The following GLIS3 variants were observed in gnomAD, a reference collection of about 807,000 sequenced individuals.
The protein encoded by GLIS3 is zinc finger protein GLIS3.
In GLIS3, 53 loss-of-function variants were observed where a neutral mutation model predicts 78.6. The ratio of observed to expected loss-of-function variants is 0.67; its 90% confidence interval spans 0.54 to 0.85. The LOEUF (loss-of-function observed/expected upper bound fraction) is 0.85. Ranked by LOEUF, GLIS3 falls within the 40% of genes least tolerant of loss-of-function variation. The pLI is 0.00. For missense variants in GLIS3, 1,703 were observed against 1,231.1 expected, an observed-to-expected ratio of 1.38 and a Z score of -5.74; for synonymous variants, 684 against 509.9, an observed-to-expected ratio of 1.34 and a Z score of -4.60.
At chr9:3,913,511 T>G (rs529348764) in intron 6 of GLIS3, among the ~76,000 whole-genome samples, 2 of 152,320 alleles carry the variant, frequency 1.3e-5, no homozygotes, top group East Asian at 3.9e-4. Context: ...CTGTAATCTT[T>G]GTTTATTCTC....
intron 4 of GLIS3, among the ~76,000 whole-genome samples, chr9:4,053,576 G>T (rs1825895875): frequency 6.6e-6 from 1 of 151,128 alleles, no homozygotes; most frequent in Admixed American, 6.6e-5. Flanking sequence ...GCCTAAAACA[G>T]TCCCAGGCAC....
chr9:4,325,452 C>G (rs996382414), intron 2 of GLIS3, among the ~76,000 whole-genome samples: 1 of 152,222 alleles, frequency 6.6e-6, no homozygotes, highest in African/African-American at 2.4e-5. Context: ...TTGTGACAGA[C>G]TTTCAGAGCC....
Position 3,896,320 on chromosome 9 carries a change from A to T in GLIS3, c.2128+2371T>A, listed in dbSNP as rs553132304. 3.0e-4 allele frequency among the ~76,000 whole-genome samples: 46 copies of T among 152,258 alleles called. 1 individual carries two copies. The highest frequency in any genetic ancestry group is 1.0e-3 in the African/African-American group (43 of 41,558). ...AAACAAAAGGCGTAACATTTTTTTA[A>T]AAGGAAGAAAGTTAGAAAGCAAAAT... On this transcript the variant is annotated intron_variant, in intron 7 of 10. Transcript: ENST00000381971.
the GLIS3 span, among the ~76,000 whole-genome samples, chr9:4,407,423 A>C: frequency 6.6e-6 from 1 of 152,192 alleles, no homozygotes; most frequent in African/African-American, 2.4e-5. Context: ...AGGCAGGTGG[A>C]TCACGAGGTC....
At chr9:4,069,910 T>C (rs904405136) in intron 4 of GLIS3, among the ~76,000 whole-genome samples, 3 of 151,982 alleles carry the variant, frequency 2.0e-5, no homozygotes. Context: ...CGGAAGCCTG[T>C]GGATGTCAGG....
At position 4,225,971 on chromosome 9, in the gene GLIS3, G is replaced by A. The variant is rs146291217; in HGVS notation, c.388+60067C>T. The stretch of plus-strand genomic sequence containing the variant: ...CTTATTAGCGCCACCTACCTGAAAC[G>A]TTATCATTTTAACACTGGCCAGATT... On this transcript the variant is annotated intron_variant, in intron 2 of 10. Transcript: ENST00000381971. Among the ~76,000 whole-genome samples the A allele has an allele frequency of 3.0e-4, 46 of 152,250 alleles. No homozygotes were observed. The East Asian group carries it at 8.1e-3, about 27-fold the overall frequency.
intron 8 of GLIS3, among the ~76,000 whole-genome samples, chr9:3,875,091 G>A (rs1038044812): frequency 1.3e-5 from 2 of 152,130 alleles, no homozygotes; most frequent in African/African-American, 4.8e-5. Context: ...TGTTTTCTCT[G>A]GTCTAACAGA....
intron 7 of GLIS3, among the ~76,000 whole-genome samples, chr9:3,882,244 C>T (rs1821779969): frequency 6.6e-6 from 1 of 152,300 alleles, no homozygotes; most frequent in Non-Finnish European, 1.5e-5. Flanking sequence ...TCTCGGGGCT[C>T]AGTGACTAGG....
At chr9:4,315,014 C>G (rs1475175881) in intron 2 of GLIS3, among the ~76,000 whole-genome samples, 2 of 152,218 alleles carry the variant, frequency 1.3e-5, no homozygotes, top group Non-Finnish European at 2.9e-5. Flanking sequence ...TCTATAGCTA[C>G]TGAAGAAATA....
intron 4 of GLIS3, among the ~76,000 whole-genome samples, chr9:4,062,597 A>C (rs373752464): frequency 6.6e-6 from 1 of 152,200 alleles, no homozygotes; most frequent in African/African-American, 2.4e-5. Flanking sequence ...TCTTCTGCCT[A>C]CCCCATAATT....
chr9:3,865,278 C>T (rs774348698), intron 8 of GLIS3, among the ~76,000 whole-genome samples: 5 of 152,186 alleles, frequency 3.3e-5, no homozygotes, highest in African/African-American at 9.6e-5. Context: ...CAGTTCTTCA[C>T]GTGCAGAAAG....
chr9:3,947,520 T>A (rs891583200), intron 4 of GLIS3, among the ~76,000 whole-genome samples: 3 of 152,234 alleles, frequency 2.0e-5, no homozygotes, highest in Admixed American at 1.3e-4. Context: ...CTTGCACACA[T>A]ATCCCACACA....
intron 2 of GLIS3, among the ~76,000 whole-genome samples, chr9:4,132,279 AAATCAC>A (rs1273448946): frequency 1.4e-5 from 2 of 148,058 alleles, no homozygotes; most frequent in East Asian, 4.0e-4. Flanking sequence ...ATTCTAGCCA[AAATCAC>A]TGTATGCTAG....
intron 6 of GLIS3, among the ~76,000 whole-genome samples, chr9:3,908,706 G>GTTTTGTTTT (rs1823893182): frequency 2.3e-5 from 2 of 85,552 alleles, no homozygotes; most frequent in African/African-American, 1.1e-4. Flanking sequence ...ATTTGTATTT[G>GTTTTGTTTT]TTTTTTTTTT....
chr9:4,469,422 T>C, the GLIS3 span, among the ~76,000 whole-genome samples: 2 of 152,078 alleles, frequency 1.3e-5, no homozygotes, highest in African/African-American at 4.8e-5. Flanking sequence ...AGAACAGAAA[T>C]TATAACAAAC....
chr9:4,099,185 T>C lies in GLIS3; in HGVS notation c.1710+18583A>G, dbSNP rs186463372. On this transcript the variant is annotated intron_variant, in intron 4 of 10. Transcript: ENST00000381971. Reference sequence around the variant, plus strand: ...TTCCTAGGGCTGCTATGACAAAGCATCACAACCTTAAAATAACAGAAATGC... The same window carrying C: ...TTCCTAGGGCTGCTATGACAAAGCACCACAACCTTAAAATAACAGAAATGC... Among the ~76,000 whole-genome samples, 24 of 152,308 alleles carry C rather than the reference T, an allele frequency of 1.6e-4. 1 individual carries two copies. The highest frequency in any genetic ancestry group is 3.2e-4 in the Non-Finnish European group (22 of 68,018).
chr9:4,393,337 T>C, the GLIS3 span, among the ~76,000 whole-genome samples: 1 of 152,314 alleles, frequency 6.6e-6, no homozygotes, highest in East Asian at 1.9e-4. Context: ...TGCCCCTTAC[T>C]AAATATTCAG....
chr9:4,368,869 GAAGC>G, the GLIS3 span, among the ~76,000 whole-genome samples: 2 of 152,186 alleles, frequency 1.3e-5, no homozygotes, highest in African/African-American at 4.8e-5. Flanking sequence ...GTTTATACTT[GAAGC>G]AAGGTGGCAA....
At chr9:3,922,737 T>C (rs1824971236) in intron 6 of GLIS3, among the ~76,000 whole-genome samples, 1 of 152,162 alleles carries the variant, frequency 6.6e-6, no homozygotes, top group South Asian at 2.1e-4. Context: ...TATAAAAGTA[T>C]GCTTTGAAAA....
Sources: gnomAD v4.1 joint callset for allele counts (sites outside exome capture counted in the v4.1 genomes callset) on GRCh38, gnomAD v4.1.1 for gene constraint, MANE v1.5 for transcripts, NCBI Gene and HGNC (gene_info 2026-07-23, HGNC 2026-07-21) for gene names.